The following GUCY1B1 variants were observed in gnomAD, a reference collection of about 807,000 sequenced individuals.
The protein encoded by GUCY1B1 is guanylate cyclase 1 soluble subunit beta 1.
In GUCY1B1, 43 loss-of-function variants were observed where a neutral mutation model predicts 71.0. The ratio of observed to expected loss-of-function variants is 0.61; its 90% confidence interval spans 0.47 to 0.78. The LOEUF is 0.78. Among genes scored for constraint, GUCY1B1 ranks in the 30% least tolerant of loss-of-function variants. The probability of loss-of-function intolerance (pLI) is 0.00; values close to 1 mark genes in which losing one functional copy is unlikely to be tolerated. For synonymous variants in GUCY1B1, 266 were observed against 259.7 expected (o/e 1.02, Z -0.23); for missense variants, 535 against 754.1 (o/e 0.71, Z 3.40).
rs1740198394 is a variant in GUCY1B1 at position 155,804,693 on chromosome 4, G to A, written c.1655G>A (p.Arg552Gln). Residue 552 changes from arginine to glutamine, a missense_variant, in exon 12 of 14, where the codon CGA becomes CAA. Transcript: ENST00000264424. ...GGGAATACTGTCAACCTCACAAGCCGAACAGAAACCACAGGAGAAAAGGGA... is the reference window on the plus strand; with the variant it reads ...GGGAATACTGTCAACCTCACAAGCCAAACAGAAACCACAGGAGAAAAGGGA... ...LFGNTVNLTS[R>Q]TETTGEKGKI... The A allele has an allele frequency of 2.5e-6, 4 of 1,613,150 alleles. No individual in the cohort carries two copies. The highest frequency in any genetic ancestry group is 2.2e-5 in the East Asian group (1 of 44,878).
intron 4 of GUCY1B1, among the ~76,000 whole-genome samples, chr4:155,780,627 A>G (rs184335406): frequency 4.3e-4 from 66 of 152,342 alleles, no homozygotes; most frequent in African/African-American, 1.5e-3. Flanking sequence ...TTTTTAAAAA[A>G]GTGAATATTT....
rs1346292147 is a variant in GUCY1B1, at chr4:155,802,214, G to T, written c.1176-128G>T. 2 of 1,512,580 alleles carry T rather than the reference G, an allele frequency of 1.3e-6. No individual in the cohort carries two copies. The highest frequency in any genetic ancestry group is 1.3e-5 in the South Asian group (1 of 79,500). The allele number at this position is 1,512,580 out of a possible 1,614,324, so 93.7% of individuals were successfully genotyped here. A position where few individuals can be genotyped will look rare whatever the true frequency, so the allele number is the denominator to read the frequency against. ...GCTAATATTTGATGCTAATTTTAGA[G>T]GATGTCCTGCTAGAATCCAGGCCTT... On this transcript the variant is annotated intron_variant, in intron 9 of 13. Coordinates refer to ENST00000264424, the MANE Select transcript of GUCY1B1 (RefSeq NM_000857.5). The surrounding 1 kb of genome is among the most constrained non-coding windows in gnomAD (Gnocchi z 4.3).
chr4:155,781,597 AATTTAGGATAAATAAT>A lies in GUCY1B1; in HGVS notation c.297+3966_297+3981del, dbSNP rs1474028241. Among the ~76,000 whole-genome samples, 3 of 152,066 alleles carry A rather than the reference AATTTAGGATAAATAAT, an allele frequency of 2.0e-5. No individual in the cohort carries two copies. The East Asian group carries it at 5.8e-4, about 29-fold the overall frequency. ...AATGGGATATATTTAGGATAAATAA[AATTTAGGATAAATAAT>A]ATTTAGGATATATTTACGATAAATA... is the stretch of plus-strand genomic sequence containing the variant. On this transcript the variant is annotated intron_variant, in intron 4 of 13. Coordinates refer to ENST00000264424, the MANE Select transcript of GUCY1B1 (RefSeq NM_000857.5).
At chr4:155,780,105 C>T (rs976160002) in intron 4 of GUCY1B1, among the ~76,000 whole-genome samples, 4 of 152,138 alleles carry the variant, frequency 2.6e-5, no homozygotes, top group African/African-American at 7.2e-5. Flanking sequence ...AAATGTCTCT[C>T]GTCGTATCGT....
chr4:155,793,240 C>T (rs1739306423), intron 5 of GUCY1B1, among the ~76,000 whole-genome samples: 1 of 152,066 alleles, frequency 6.6e-6, no homozygotes, highest in African/African-American at 2.4e-5. Flanking sequence ...CTGCGCCTGG[C>T]TAATTTTTGT....
intron 2 of GUCY1B1, among the ~76,000 whole-genome samples, chr4:155,768,182 A>C (rs1234727222): frequency 6.6e-6 from 1 of 152,066 alleles, no homozygotes; most frequent in East Asian, 1.9e-4. Flanking sequence ...TCCATGGAAA[A>C]CTTCTTTAAC....
At chr4:155,760,321 C>T (rs1236966014) in intron 2 of GUCY1B1, among the ~76,000 whole-genome samples, 1 of 152,190 alleles carries the variant, frequency 6.6e-6, no homozygotes, top group Non-Finnish European at 1.5e-5. Context: ...TGCTGAAACA[C>T]GCGGGAGATT....
At chr4:155,804,567 T>C in intron 11 of GUCY1B1, 26 bp from the exon 12 acceptor site, 5 of 1,580,892 alleles carry the variant, frequency 3.2e-6, no homozygotes, top group Non-Finnish European at 4.3e-6. Context: ...ATCAAAATGA[T>C]TGAAGCAAAG....
In GUCY1B1 at chr4:155,789,577, A is replaced by G. The variant is rs578139412; in HGVS notation, c.298-137A>G. 7.6e-6 allele frequency: 4 copies of G among 524,920 alleles called. No homozygotes were observed. In the South Asian group the frequency reaches 1.4e-4, roughly 18 times the overall value. The allele number at this position is 524,920 out of a possible 1,614,324, so 32.5% of individuals were successfully genotyped here. ...GCTTTACAGATATCTCAGTGGAGTG[A>G]AGGATGTGCTACATGTGCTGCTTCG... is the stretch of plus-strand genomic sequence containing the variant. On this transcript the variant is annotated intron_variant, in intron 4 of 13. Transcript: ENST00000264424.
chr4:155,803,994 G>T (rs1740135658), intron 11 of GUCY1B1, among the ~76,000 whole-genome samples: 1 of 151,926 alleles, frequency 6.6e-6, no homozygotes, highest in South Asian at 2.1e-4. Context: ...ATGGGGATGA[G>T]AAAAAAACCT....
chr4:155,766,632 T>C (rs774414628), intron 2 of GUCY1B1, among the ~76,000 whole-genome samples: 8 of 152,088 alleles, frequency 5.3e-5, no homozygotes, highest in East Asian at 1.9e-4. Flanking sequence ...AGTGTCAGAG[T>C]TCTTTTATGT....
chr4:155,791,504 G>A (rs1739163876), intron 5 of GUCY1B1, among the ~76,000 whole-genome samples: 2 of 149,998 alleles, frequency 1.3e-5, no homozygotes, highest in Admixed American at 1.3e-4. Flanking sequence ...GCCAAGGCGG[G>A]GGGATCACGA....
At chr4:155,787,987 TTTC>T (rs1409779095) in intron 4 of GUCY1B1, among the ~76,000 whole-genome samples, 1 of 152,248 alleles carries the variant, frequency 6.6e-6, no homozygotes, top group Admixed American at 6.5e-5. Context: ...TTGTTTTTCT[TTTC>T]TTCTCTTTAA....
rs1737014966 is a variant in GUCY1B1, at chr4:155,761,804, A to G, written c.77+1944A>G. 2.0e-5 allele frequency among the ~76,000 whole-genome samples: 3 copies of G among 152,238 alleles called. No homozygotes were observed. The South Asian group carries it at 6.2e-4, about 32-fold the overall frequency. ...TTCCAACAGTATTCATAATTTGTCT[A>G]AAGGATAAAAATTCCAATCATCCAC... On this transcript the variant is annotated intron_variant, in intron 2 of 13. Transcript: ENST00000264424.
At position 155,807,027 on chromosome 4, in the gene GUCY1B1, G is replaced by T. The variant is rs1308667127; in HGVS notation, c.*618G>T. 2.0e-5 allele frequency: 3 copies of T among 152,082 alleles called. No homozygotes were observed. The highest frequency in any genetic ancestry group is 7.2e-5 in the African/African-American group (3 of 41,432). 9.4% of individuals were successfully genotyped at this position (152,082 alleles called of 1,614,324 possible). On this transcript the variant is annotated 3_prime_UTR_variant, in exon 14 of 14. Transcript: ENST00000264424. Reference sequence around the variant, plus strand: ...ATGCTACTTCCCTTTCAGAAATATAGAATACACGTTTCTGTTATTAAAGTA... The same window carrying T: ...ATGCTACTTCCCTTTCAGAAATATATAATACACGTTTCTGTTATTAAAGTA...
chr4:155,785,240 G>C (rs1471558458), intron 4 of GUCY1B1: 5 of 1,126,408 alleles, frequency 4.4e-6, no homozygotes, highest in Non-Finnish European at 6.4e-6. Flanking sequence ...TATTTTTCCT[G>C]TTTTTTGATT....
intron 2 of GUCY1B1, chr4:155,772,876 CTCTGAAGG>C: frequency 1.5e-6 from 1 of 685,888 alleles, no homozygotes; most frequent in South Asian, 1.5e-5. Flanking sequence ...AAATTATAAG[CTCTGAAGG>C]ACAGAGGATG....
At chr4:155,780,925 C>T (rs1040857488) in intron 4 of GUCY1B1, among the ~76,000 whole-genome samples, 2 of 152,126 alleles carry the variant, frequency 1.3e-5, no homozygotes, top group African/African-American at 4.8e-5. Context: ...TTTTAGGGAA[C>T]ACTAAAATAG....
intron 8 of GUCY1B1, among the ~76,000 whole-genome samples, chr4:155,798,099 T>G (rs1739689935): frequency 6.6e-6 from 1 of 152,066 alleles, no homozygotes; most frequent in Non-Finnish European, 1.5e-5. Flanking sequence ...AAATTTGGAG[T>G]TTATTTGTTA....
Sources: allele counts gnomAD v4.1 joint callset (sites outside exome capture counted in the v4.1 genomes callset), GRCh38; gene constraint gnomAD v4.1.1; non-coding constraint Gnocchi (gnomAD v3.1); transcripts MANE v1.5; gene names NCBI Gene and HGNC (gene_info 2026-07-23, HGNC 2026-07-21).